Variants in OXR1 observed in about 807,000 individuals in gnomAD.
The protein encoded by OXR1 is oxidation resistance 1, also known as oxidation resistance protein 1.
OXR1 carries 41 observed loss-of-function variants against 104.6 expected under a neutral mutation model. The observed-to-expected ratio is 0.39, with a 90% CI of 0.31 to 0.51. The LOEUF is 0.51. OXR1 is among the 20% of genes least tolerant of loss of function. OXR1 has a pLI of 0.77. For missense variants in OXR1, 955 were observed against 1,031.9 expected, an observed-to-expected ratio of 0.93 and a Z score of 1.02; for synonymous variants, 348 against 348.4, an observed-to-expected ratio of 1.00 and a Z score of 0.01.
intron 2 of OXR1, among the ~76,000 whole-genome samples, chr8:106,415,886 A>G (rs2130520576): frequency 6.6e-6 from 1 of 152,270 alleles, no homozygotes; most frequent in South Asian, 2.1e-4. Flanking sequence ...ATCTTGGCTC[A>G]TAGTATATTT....
At chr8:106,646,093 T>C (rs1824055252) in intron 3 of OXR1, among the ~76,000 whole-genome samples, 1 of 152,058 alleles carries the variant, frequency 6.6e-6, no homozygotes, top group African/African-American at 2.4e-5. Flanking sequence ...CATCTTCTTT[T>C]TTCTCTATTA....
At chr8:106,376,933 G>A (rs537364534) in intron 2 of OXR1, among the ~76,000 whole-genome samples, 2 of 152,224 alleles carry the variant, frequency 1.3e-5, no homozygotes, top group Non-Finnish European at 2.9e-5. Context: ...CCCTACATTG[G>A]ATGTAAGTCT....
intron 1 of OXR1, among the ~76,000 whole-genome samples, chr8:106,275,951 A>G (rs1178865288): frequency 6.6e-6 from 1 of 152,228 alleles, no homozygotes; most frequent in Non-Finnish European, 1.5e-5. Flanking sequence ...ACTTTTGTTT[A>G]CAAATGCTTA....
intron 3 of OXR1, among the ~76,000 whole-genome samples, chr8:106,669,289 C>A (rs561245372): frequency 6.6e-6 from 1 of 152,116 alleles, no homozygotes; most frequent in South Asian, 2.1e-4. Context: ...GAAGATATTA[C>A]AATACATTGT....
chr8:106,714,496 G>A (rs954565691), intron 11 of OXR1, among the ~76,000 whole-genome samples: 1 of 151,916 alleles, frequency 6.6e-6, no homozygotes, highest in Admixed American at 6.6e-5. Flanking sequence ...ATAATTTTAA[G>A]GAAATAAGCA....
At chr8:106,734,663 C>G (rs1270299701) in intron 11 of OXR1, among the ~76,000 whole-genome samples, 7 of 152,104 alleles carry the variant, frequency 4.6e-5, no homozygotes, top group Non-Finnish European at 8.8e-5. Flanking sequence ...TTTCTCTAGT[C>G]TCTGTTTTTG....
At chr8:106,503,565 A>T (rs944619693) in intron 2 of OXR1, among the ~76,000 whole-genome samples, 1 of 152,226 alleles carries the variant, frequency 6.6e-6, no homozygotes. Context: ...AATAGGTAAG[A>T]GCCTTCATTG....
chr8:106,519,207 G>T, intron 3 of OXR1, 68 bp downstream of exon 3: 1 of 1,080,044 alleles, frequency 9.3e-7, no homozygotes, highest in South Asian at 1.7e-5. Flanking sequence ...GAATTTCTGG[G>T]TCTGTTTAGT....
intron 1 of OXR1, among the ~76,000 whole-genome samples, chr8:106,327,842 AAT>A (rs540217921): frequency 1.0e-3 from 158 of 152,352 alleles, no homozygotes; most frequent in Non-Finnish European, 2.0e-3. Context: ...TTCACCATAT[AAT>A]GTACCAGCAT....
chr8:106,436,221 T>C (rs1819560780), intron 2 of OXR1, among the ~76,000 whole-genome samples: 1 of 152,128 alleles, frequency 6.6e-6, no homozygotes, highest in Non-Finnish European at 1.5e-5. Context: ...GACCCTTGCA[T>C]ATGTCATTTC....
intron 1 of OXR1, among the ~76,000 whole-genome samples, chr8:106,346,700 G>A (rs1002220977): frequency 6.6e-6 from 1 of 151,844 alleles, no homozygotes; most frequent in African/African-American, 2.4e-5. Context: ...TGAATCTTCA[G>A]TGGTACTCTC....
At chr8:106,357,200 A>ATG (rs1023890107) in intron 1 of OXR1, among the ~76,000 whole-genome samples, 1 of 150,048 alleles carries the variant, frequency 6.7e-6, no homozygotes, top group African/African-American at 2.5e-5. Context: ...ATATGTGTAT[A>ATG]TATGTGTGTG....
At chr8:106,399,268 G>A (rs1461761151) in intron 2 of OXR1, among the ~76,000 whole-genome samples, 2 of 152,080 alleles carry the variant, frequency 1.3e-5, no homozygotes, top group Non-Finnish European at 2.9e-5. Context: ...AAAAGGACTT[G>A]GGAAATATAA....
intron 3 of OXR1, among the ~76,000 whole-genome samples, chr8:106,677,995 A>G (rs1827775414): frequency 6.6e-6 from 1 of 152,064 alleles, no homozygotes; most frequent in African/African-American, 2.4e-5. Context: ...AATGTTTTGG[A>G]GGTTACAATT....
chr8:106,752,519 T>G lies in OXR1; in HGVS notation c.*1578T>G, dbSNP rs888491156. On this transcript the variant is annotated 3_prime_UTR_variant, in exon 17 of 17. Transcript: ENST00000517566. ...AGTAACAATATATAGATTAAATGTT[T>G]ACAATATAGGGAATTGTAAATAAAT... 2.6e-5 allele frequency: 4 copies of G among 152,548 alleles called. No homozygotes were observed. The highest frequency in any genetic ancestry group is 5.9e-5 in the Non-Finnish European group (4 of 67,954). The allele number at this position is 152,548 out of a possible 1,614,324, so 9.4% of individuals were successfully genotyped here.
chr8:106,395,769 A>T (rs10087258), intron 2 of OXR1, among the ~76,000 whole-genome samples: 1 of 152,084 alleles, frequency 6.6e-6, no homozygotes, highest in African/African-American at 2.4e-5. Context: ...AGCAGACCCA[A>T]TGCCTAGATT....
At chr8:106,669,379 A>G (rs923750978) in intron 3 of OXR1, among the ~76,000 whole-genome samples, 2 of 152,206 alleles carry the variant, frequency 1.3e-5, no homozygotes, top group Non-Finnish European at 2.9e-5. Flanking sequence ...AGAAGCAGAA[A>G]GATGGAGTAG....
intron 1 of OXR1, among the ~76,000 whole-genome samples, chr8:106,330,475 C>T (rs916374937): frequency 2.6e-5 from 4 of 151,988 alleles, no homozygotes; most frequent in Non-Finnish European, 4.4e-5. Context: ...GTTGTATGAT[C>T]GGCCTGTTTC....
In OXR1 at chr8:106,560,247, G is replaced by A. The variant is rs529111886; in HGVS notation, c.220+41108G>A. Among the ~76,000 whole-genome samples the A allele has an allele frequency of 2.3e-3, 354 of 152,256 alleles. 2 individuals are homozygous for A. Among genetic ancestry groups the A allele is most frequent in the South Asian group, 0.013 (65 of 4,824 alleles). On this transcript the variant is annotated intron_variant, in intron 3 of 16. Transcript: ENST00000517566. ...ACTGAGGAAATGCAGTTGTAAAAGG[G>A]CACTAACCTGGATAATAAAGAGAGG...
Sources: gnomAD v4.1 joint callset for allele counts (sites outside exome capture counted in the v4.1 genomes callset) on GRCh38, gnomAD v4.1.1 for gene constraint, MANE v1.5 for transcripts, NCBI Gene and HGNC (gene_info 2026-07-23, HGNC 2026-07-21) for gene names.